MDGA2: variants seen among roughly 807,000 people sequenced by gnomAD.
MDGA2 encodes the protein MAM domain containing glycosylphosphatidylinositol anchor 2.
A neutral mutation model predicts 117.8 loss-of-function variants in MDGA2; 40 were observed. That is an observed-to-expected ratio of 0.34 (90% confidence interval 0.26 to 0.44). The LOEUF (loss-of-function observed/expected upper bound fraction) is 0.44. Ranked by LOEUF, MDGA2 falls within the 20% of genes least tolerant of loss-of-function variation. MDGA2 has a pLI of 1.00. For missense variants in MDGA2, 1,123 were observed against 1,250.6 expected, an observed-to-expected ratio of 0.90 and a Z score of 1.54; for synonymous variants, 452 against 439.0, an observed-to-expected ratio of 1.03 and a Z score of -0.37.
intron 1 of MDGA2, among the ~76,000 whole-genome samples, chr14:47,653,749 C>T (rs192558351): frequency 3.3e-4 from 50 of 152,104 alleles, no homozygotes; most frequent in African/African-American, 9.2e-4. Context: ...AAGTGCAAGA[C>T]AGCGGAAAAA....
intron 10 of MDGA2, among the ~76,000 whole-genome samples, chr14:46,892,526 G>T (rs1223493929): frequency 6.6e-6 from 1 of 151,856 alleles, no homozygotes; most frequent in Non-Finnish European, 1.5e-5. Flanking sequence ...AAACTAAAAA[G>T]CTTCAGTACA....
intron 1 of MDGA2, among the ~76,000 whole-genome samples, chr14:47,631,374 C>G (rs1897246941): frequency 6.6e-6 from 1 of 152,164 alleles, no homozygotes; most frequent in African/African-American, 2.4e-5. Flanking sequence ...AGCCCAAACT[C>G]CTTTCCAGGA....
chr14:47,054,850 A>G (rs1174805607), intron 7 of MDGA2, among the ~76,000 whole-genome samples: 1 of 151,940 alleles, frequency 6.6e-6, no homozygotes, highest in African/African-American at 2.4e-5. Context: ...ACAAAAATTA[A>G]TTCAAGATGG....
chr14:47,593,491 A>G (rs576418801), intron 1 of MDGA2, among the ~76,000 whole-genome samples: 3 of 152,192 alleles, frequency 2.0e-5, no homozygotes, highest in Admixed American at 6.5e-5. Flanking sequence ...ATGTCCATCA[A>G]TGATAGACTG....
chr14:47,158,222 G>T (rs572584246), intron 3 of MDGA2, among the ~76,000 whole-genome samples: 14 of 152,222 alleles, frequency 9.2e-5, no homozygotes, highest in Admixed American at 3.3e-4. Context: ...GAGGTTTGTG[G>T]TCTAGGGTTA....
intron 8 of MDGA2, among the ~76,000 whole-genome samples, chr14:47,012,082 A>C (rs765809064): frequency 1.3e-5 from 2 of 152,098 alleles, no homozygotes; most frequent in Admixed American, 1.3e-4. Flanking sequence ...TGTCAGGACT[A>C]TATTAATTAA....
intron 6 of MDGA2, among the ~76,000 whole-genome samples, chr14:47,071,632 C>T (rs1939427994): frequency 6.6e-6 from 1 of 151,816 alleles, no homozygotes; most frequent in South Asian, 2.1e-4. Flanking sequence ...CATACTTTTC[C>T]ATCCTGTACA....
chr14:47,148,498 G>A (rs1425360456), intron 3 of MDGA2, among the ~76,000 whole-genome samples: 1 of 152,136 alleles, frequency 6.6e-6, no homozygotes, highest in Non-Finnish European at 1.5e-5. Flanking sequence ...GCTCTATTAA[G>A]TTGGCATTTT....
At chr14:47,025,991 T>C (rs1888460456) in intron 8 of MDGA2, among the ~76,000 whole-genome samples, 1 of 152,170 alleles carries the variant, frequency 6.6e-6, no homozygotes, top group Admixed American at 6.5e-5. Flanking sequence ...TTAAAAGCAG[T>C]GGAATCTAAG....
chr14:47,252,774 T>A (rs1887490279), intron 2 of MDGA2, among the ~76,000 whole-genome samples: 1 of 152,088 alleles, frequency 6.6e-6, no homozygotes, highest in Non-Finnish European at 1.5e-5. Context: ...GATTTCTCAA[T>A]AAAGGAAGAA....
intron 4 of MDGA2, among the ~76,000 whole-genome samples, chr14:47,142,444 A>AAAACAAAC (rs150897627): frequency 2.5e-4 from 37 of 150,820 alleles, no homozygotes; most frequent in African/African-American, 6.4e-4. Context: ...CTCCATCTCA[A>AAAACAAAC]AAACAAACAA....
rs1402280630 is a variant in MDGA2 at position 47,672,930 on chromosome 14, G to A, written c.280+1587C>T. On this transcript the variant is annotated intron_variant, in intron 1 of 16. Coordinates refer to ENST00000399232, the MANE Select transcript of MDGA2 (RefSeq NM_001113498.3). The stretch of plus-strand genomic sequence containing the variant: ...AGTCAAACCTTGAGGTCTGCCAGGA[G>A]ACTCAGCATCTCTCTCATACACACG... Among the ~76,000 whole-genome samples, 3 of 152,254 alleles carry A rather than the reference G, an allele frequency of 2.0e-5. No individual in the cohort carries two copies. In the East Asian group the frequency reaches 5.8e-4, roughly 29 times the overall value.
At chr14:47,667,316 C>G (rs1360486462) in intron 1 of MDGA2, among the ~76,000 whole-genome samples, 4 of 152,216 alleles carry the variant, frequency 2.6e-5, no homozygotes, top group Non-Finnish European at 5.9e-5. Flanking sequence ...AAAAACCCAA[C>G]TCAGTTACAC....
intron 1 of MDGA2, among the ~76,000 whole-genome samples, chr14:47,430,921 T>C (rs1349730584): frequency 6.6e-6 from 1 of 152,100 alleles, no homozygotes; most frequent in Non-Finnish European, 1.5e-5. Context: ...TATGGTTATT[T>C]TGAAGATTGA....
chr14:46,906,393 G>C (rs1039354090), intron 10 of MDGA2, among the ~76,000 whole-genome samples: 3 of 151,990 alleles, frequency 2.0e-5, no homozygotes, highest in Non-Finnish European at 4.4e-5. Context: ...CAGAATTACT[G>C]AACTTTCTTT....
intron 6 of MDGA2, among the ~76,000 whole-genome samples, chr14:47,079,786 C>A (rs1465303042): frequency 8.1e-6 from 1 of 124,160 alleles, no homozygotes; most frequent in East Asian, 2.6e-4. Context: ...GGCTGGAGTG[C>A]AGTGGCGCAA....
In MDGA2 at chr14:47,324,177, G is replaced by A. The variant is rs563079618; in HGVS notation, c.281-22627C>T. Among the ~76,000 whole-genome samples the A allele has an allele frequency of 1.5e-4, 23 of 152,126 alleles. No homozygotes were observed. In the South Asian group the frequency reaches 4.4e-3, roughly 29 times the overall value. ...AGAGAATGGCGTGAACCCAGGAGGC[G>A]AAGCTTGCAGTGAGCTGAGATCACA... On this transcript the variant is annotated intron_variant, in intron 1 of 16. Transcript: ENST00000399232.
At chr14:47,233,314 G>A (rs1886751700) in intron 2 of MDGA2, among the ~76,000 whole-genome samples, 1 of 151,986 alleles carries the variant, frequency 6.6e-6, no homozygotes, top group African/African-American at 2.4e-5. Context: ...TATATGTTAG[G>A]TAAAATATAA....
intron 1 of MDGA2, among the ~76,000 whole-genome samples, chr14:47,655,049 G>T (rs556220579): frequency 6.6e-6 from 1 of 152,162 alleles, no homozygotes; most frequent in African/African-American, 2.4e-5. Context: ...CACTTTTAAA[G>T]ATCTAAAGGA....
Sources: gnomAD v4.1 joint callset for allele counts (sites outside exome capture counted in the v4.1 genomes callset) on GRCh38, gnomAD v4.1.1 for gene constraint, MANE v1.5 for transcripts, NCBI Gene and HGNC (gene_info 2026-07-23, HGNC 2026-07-21) for gene names.